Variants in DPYD observed in about 807,000 individuals in gnomAD.
DPYD encodes dihydropyrimidine dehydrogenase, also known as dihydropyrimidine dehydrogenase [NADP(+)].
Under a neutral mutation model 116.2 loss-of-function variants are expected in DPYD, and 109 were observed. The ratio of observed to expected loss-of-function variants is 0.94; its 90% CI spans 0.80 to 1.10. The LOEUF (loss-of-function observed/expected upper bound fraction) is 1.10, where lower values mean the gene tolerates loss of function less well. Ranked by LOEUF, DPYD falls within the 50% of genes least tolerant of loss-of-function variation. DPYD has a pLI of 0.00. For synonymous variants in DPYD, 440 were observed against 432.0 expected, an observed-to-expected ratio of 1.02 and a Z score of -0.23; for missense variants, 1,302 against 1,254.5, an observed-to-expected ratio of 1.04 and a Z score of -0.57.
chr1:97,656,435 T>C (rs79054405), intron 8 of DPYD, among the ~76,000 whole-genome samples: 3,871 of 152,252 alleles, frequency 0.025, 59 homozygotes, highest in African/African-American at 0.045. Context: ...GGCCTTGTCT[T>C]CACTCTTATT....
intron 14 of DPYD, among the ~76,000 whole-genome samples, chr1:97,413,831 CT>C (rs1054501249): frequency 4.6e-5 from 7 of 151,170 alleles, no homozygotes; most frequent in Non-Finnish European, 1.0e-4. Flanking sequence ...TTCCTATCCT[CT>C]TTTTTTTTCA....
chr1:97,678,449 A>T (rs1219636929), intron 8 of DPYD, among the ~76,000 whole-genome samples: 1 of 152,160 alleles, frequency 6.6e-6, no homozygotes, highest in South Asian at 2.1e-4. Flanking sequence ...CAGAGAATGA[A>T]TATGACATTC....
chr1:97,384,343 G>A (rs1203404988), intron 14 of DPYD, among the ~76,000 whole-genome samples: 5 of 151,004 alleles, frequency 3.3e-5, no homozygotes, highest in Admixed American at 6.6e-5. Flanking sequence ...CTAAAAACCA[G>A]GGAAAGAAGC....
intron 14 of DPYD, among the ~76,000 whole-genome samples, chr1:97,419,117 C>A (rs1674441907): frequency 6.6e-6 from 1 of 152,116 alleles, no homozygotes; most frequent in South Asian, 2.1e-4. Flanking sequence ...CCCACAGGCA[C>A]CAGAAACTCC....
intron 20 of DPYD, among the ~76,000 whole-genome samples, chr1:97,185,673 C>A (rs138742359): frequency 3.7e-4 from 57 of 152,078 alleles, no homozygotes; most frequent in Non-Finnish European, 6.9e-4. Context: ...ATGAAAAAAT[C>A]TCTGTAATAT....
At chr1:97,745,521 A>G (rs1664500816) in intron 3 of DPYD, among the ~76,000 whole-genome samples, 1 of 152,156 alleles carries the variant, frequency 6.6e-6, no homozygotes, top group Non-Finnish European at 1.5e-5. Flanking sequence ...AACACAGTTG[A>G]GAACTTTCCT....
intron 8 of DPYD, among the ~76,000 whole-genome samples, chr1:97,629,464 C>A (rs113499818): frequency 6.6e-6 from 1 of 152,062 alleles, no homozygotes; most frequent in South Asian, 2.1e-4. Flanking sequence ...GGGCATCATT[C>A]ATCGTTTGAA....
chr1:97,522,158 C>G (rs1421846757), intron 12 of DPYD, among the ~76,000 whole-genome samples: 1 of 152,188 alleles, frequency 6.6e-6, no homozygotes, highest in Non-Finnish European at 1.5e-5. Flanking sequence ...GTCTATCCAT[C>G]TGACAAAGGG....
At chr1:97,608,457 C>T (rs1655738989) in intron 8 of DPYD, among the ~76,000 whole-genome samples, 1 of 151,760 alleles carries the variant, frequency 6.6e-6, no homozygotes, top group Non-Finnish European at 1.5e-5. Flanking sequence ...ATTTTCTGAC[C>T]TCTGAAACCA....
chr1:97,550,709 C>T (rs1651257117), intron 11 of DPYD, among the ~76,000 whole-genome samples: 2 of 152,182 alleles, frequency 1.3e-5, no homozygotes, highest in African/African-American at 4.8e-5. Flanking sequence ...TTTACTCCAA[C>T]TCCAAAGAGA....
At chr1:97,735,863 TGAA>T (rs1663914311) in intron 4 of DPYD, among the ~76,000 whole-genome samples, 3 of 151,784 alleles carry the variant, frequency 2.0e-5, no homozygotes, top group Non-Finnish European at 4.4e-5. Context: ...TTGAAACTGG[TGAA>T]GAAATTATTA....
intron 1 of DPYD, among the ~76,000 whole-genome samples, chr1:97,897,976 T>G (rs1673167762): frequency 6.6e-6 from 1 of 151,782 alleles, no homozygotes; most frequent in South Asian, 2.1e-4. Context: ...TGAGTTTTGT[T>G]CTAGGACATA....
rs762102298 is a variant in DPYD at position 97,828,129 on chromosome 1, A to C, written c.218T>G (p.Leu73Arg). 9 of 1,613,598 alleles carry C rather than the reference A, an allele frequency of 5.6e-6. No individual in the cohort carries two copies. The highest frequency in any genetic ancestry group is 1.6e-4 in the Middle Eastern group (1 of 6,080). Residue 73 changes from leucine to arginine, a missense_variant, in exon 3 of 23, where the codon CTC becomes CGC. By Grantham distance (102) the Leu-to-Arg change is moderately radical. Coordinates refer to ENST00000370192, the MANE Select transcript of DPYD (RefSeq NM_000110.4). ...KHTTLGERGA[L>R]REAMRCLKCA... is the part of the protein sequence containing the mutation. Reference sequence around the variant, plus strand: ...CCAGACTTACCTCATTGCTTCTCGGAGAGCTCCTCGCTCACCAAGAGTCGT... The same window carrying C: ...CCAGACTTACCTCATTGCTTCTCGGCGAGCTCCTCGCTCACCAAGAGTCGT...
intron 3 of DPYD, among the ~76,000 whole-genome samples, chr1:97,821,570 A>G (rs538330310): frequency 6.6e-6 from 1 of 152,214 alleles, no homozygotes; most frequent in Non-Finnish European, 1.5e-5. Context: ...TTTGACCTAG[A>G]GATGATGCAC....
At chr1:97,795,098 T>C (rs1310989493) in intron 3 of DPYD, among the ~76,000 whole-genome samples, 1 of 152,072 alleles carries the variant, frequency 6.6e-6, no homozygotes, top group Non-Finnish European at 1.5e-5. Context: ...AAAGCAGTCT[T>C]AACTAATGGG....
chr1:97,338,677 T>A (rs569920543), intron 16 of DPYD, among the ~76,000 whole-genome samples: 50 of 152,270 alleles, frequency 3.3e-4, no homozygotes, highest in Admixed American at 2.7e-3. Context: ...GAGTCTTAGG[T>A]CCTGGTCTTA....
chr1:97,519,957 A>G (rs569793063), intron 12 of DPYD, among the ~76,000 whole-genome samples: 1 of 152,224 alleles, frequency 6.6e-6, no homozygotes, highest in Admixed American at 6.5e-5. Context: ...AAATATAATT[A>G]TTTTAATTAA....
chr1:97,803,615 C>T (rs1667943011), intron 3 of DPYD, among the ~76,000 whole-genome samples: 1 of 151,728 alleles, frequency 6.6e-6, no homozygotes, highest in African/African-American at 2.4e-5. Flanking sequence ...AATGTGACTT[C>T]TCCAATTTTT....
intron 3 of DPYD, among the ~76,000 whole-genome samples, chr1:97,767,649 T>C (rs938297120): frequency 2.0e-5 from 3 of 151,754 alleles, no homozygotes; most frequent in Middle Eastern, 3.2e-3. Context: ...AAGAGTTCAG[T>C]CAAGATAAGC....
Sources: allele counts gnomAD v4.1 joint callset (sites outside exome capture counted in the v4.1 genomes callset), GRCh38; gene constraint gnomAD v4.1.1; transcripts MANE v1.5; gene names NCBI Gene and HGNC (gene_info 2026-07-23, HGNC 2026-07-21).